TIMMDC1: variants seen among roughly 807,000 people sequenced by gnomAD.
TIMMDC1 encodes the protein complex I assembly factor TIMMDC1, mitochondrial.
In TIMMDC1, 25 loss-of-function variants were observed where a neutral mutation model predicts 32.6. That is an observed-to-expected ratio of 0.77 (90% CI 0.56 to 1.07). The LOEUF (loss-of-function observed/expected upper bound fraction) is 1.07, where lower values mean the gene tolerates loss of function less well. TIMMDC1 is among the 50% of genes least tolerant of loss of function. The probability of loss-of-function intolerance (pLI) is 0.00; values close to 1 mark genes in which losing one functional copy is unlikely to be tolerated. For missense variants in TIMMDC1, 329 were observed against 349.2 expected (o/e 0.94, Z 0.46); for synonymous variants, 130 against 127.6 (o/e 1.02, Z -0.13).
At chr3:119,509,440 T>C (rs1213582795) in intron 4 of TIMMDC1, among the ~76,000 whole-genome samples, 2 of 152,148 alleles carry the variant, frequency 1.3e-5, no homozygotes, top group African/African-American at 4.8e-5. Context: ...TGATACATGC[T>C]GCGACATGAA....
intron 5 of TIMMDC1, among the ~76,000 whole-genome samples, chr3:119,515,424 C>T (rs368788298): frequency 5.9e-5 from 9 of 152,274 alleles, no homozygotes; most frequent in African/African-American, 2.2e-4. Flanking sequence ...TACTCTGCCA[C>T]CAGCCAGGGA....
chr3:119,518,856 T>G (rs2082004112), intron 6 of TIMMDC1, among the ~76,000 whole-genome samples: 1 of 151,594 alleles, frequency 6.6e-6, no homozygotes, highest in African/African-American at 2.4e-5. Flanking sequence ...AATGGGATGA[T>G]ACATTCCAAG....
intron 4 of TIMMDC1, among the ~76,000 whole-genome samples, chr3:119,506,329 CCTGGGCA>C (rs2081918693): frequency 6.6e-6 from 1 of 152,104 alleles, no homozygotes; most frequent in Non-Finnish European, 1.5e-5. Flanking sequence ...TTGAGAACAG[CCTGGGCA>C]ACAAACATGG....
chr3:119,505,244 A>T (rs992084553), intron 4 of TIMMDC1, among the ~76,000 whole-genome samples: 1 of 152,236 alleles, frequency 6.6e-6, no homozygotes, highest in African/African-American at 2.4e-5. Flanking sequence ...AGATTTAAAA[A>T]ATAATTTTAA....
rs141340262 is a variant in TIMMDC1, at chr3:119,520,651, A to C, written c.708-2955A>C. Among the ~76,000 whole-genome samples, 469 of 152,356 alleles carry C rather than the reference A, an allele frequency of 3.1e-3. 4 individuals are homozygous for C. Among genetic ancestry groups the C allele is most frequent in the Non-Finnish European group, 3.6e-3 (242 of 68,026 alleles). ...CATGGCTTCATTGCTAAATTCTGCC[A>C]AACAGTTAAAGAAGAATTAAGACCA... On this transcript the variant is annotated intron_variant, in intron 6 of 6. Coordinates refer to ENST00000494664, the MANE Select transcript of TIMMDC1 (RefSeq NM_016589.4).
chr3:119,520,215 C>G (rs564393688), intron 6 of TIMMDC1, among the ~76,000 whole-genome samples: 2 of 151,874 alleles, frequency 1.3e-5, no homozygotes, highest in South Asian at 4.2e-4. Context: ...AAAGCAAGAA[C>G]AAACTAAACC....
At chr3:119,520,660 A>G (rs1382959656) in intron 6 of TIMMDC1, among the ~76,000 whole-genome samples, 1 of 152,230 alleles carries the variant, frequency 6.6e-6, no homozygotes, top group African/African-American at 2.4e-5. Context: ...CAAACAGTTA[A>G]AGAAGAATTA....
chr3:119,516,679 A>G (rs908243084), intron 5 of TIMMDC1, among the ~76,000 whole-genome samples: 4 of 152,178 alleles, frequency 2.6e-5, no homozygotes, highest in Non-Finnish European at 4.4e-5. Context: ...ATGGGTTGCT[A>G]TTGGCATTGT....
intron 3 of TIMMDC1, 59 bp from the exon 4 acceptor site, chr3:119,503,895 A>G (rs1336088761): frequency 7.0e-7 from 1 of 1,421,792 alleles, no homozygotes; most frequent in Non-Finnish European, 9.9e-7. Context: ...ATAACACTCA[A>G]GAAGGTAAAT....
intron 5 of TIMMDC1, among the ~76,000 whole-genome samples, chr3:119,515,945 G>A (rs1184778807): frequency 1.3e-5 from 2 of 152,138 alleles, no homozygotes; most frequent in Admixed American, 1.3e-4. Flanking sequence ...AGAAGGTAAT[G>A]CTATAGATTT....
At chr3:119,501,098 TTCTC>T (rs1481298852) in intron 2 of TIMMDC1, among the ~76,000 whole-genome samples, 2 of 152,232 alleles carry the variant, frequency 1.3e-5, no homozygotes, top group Non-Finnish European at 2.9e-5. Context: ...TGGCTTTTCT[TTCTC>T]AAATACATTT....
rs376648068 is a variant in TIMMDC1, at chr3:119,510,483, T to C, written c.518-3158T>C. On this transcript the variant is annotated intron_variant, in intron 4 of 6. Transcript: ENST00000494664. The stretch of plus-strand genomic sequence containing the variant: ...TCTAAAATGCTGATTATTAAGAGCA[T>C]AGCAAAGACATTTCAGCAAAAAATA... Among the ~76,000 whole-genome samples, 857 of 152,176 alleles carry C rather than the reference T, an allele frequency of 5.6e-3. 8 individuals are homozygous for C. Among genetic ancestry groups the C allele is most frequent in the African/African-American group, 0.02 (820 of 41,524 alleles).
chr3:119,516,358 G>A (rs187952729), intron 5 of TIMMDC1, among the ~76,000 whole-genome samples: 105 of 152,190 alleles, frequency 6.9e-4, no homozygotes, highest in Middle Eastern at 3.4e-3. Flanking sequence ...TTGTCCTTTT[G>A]TGACTAGCTT....
intron 5 of TIMMDC1, among the ~76,000 whole-genome samples, chr3:119,514,569 A>G (rs922426996): frequency 2.0e-5 from 3 of 152,216 alleles, no homozygotes; most frequent in Non-Finnish European, 2.9e-5. Context: ...CATCATGATT[A>G]GATTAATGTA....
At position 119,524,771 on chromosome 3, in the gene TIMMDC1, A is replaced by G. The variant is rs1352112897; in HGVS notation, c.*1015A>G. On this transcript the variant is annotated 3_prime_UTR_variant, in exon 7 of 7. Transcript: ENST00000494664. ...AGGAGTCATGAGTAACATGAACAGCAGTTGGCTATGTCTTTCCAGTTCTCT... is the reference window on the plus strand; with the variant it reads ...AGGAGTCATGAGTAACATGAACAGCGGTTGGCTATGTCTTTCCAGTTCTCT... The G allele has an allele frequency of 6.6e-6, 1 of 152,248 alleles. No homozygotes were observed. The highest frequency in any genetic ancestry group is 2.4e-5 in the African/African-American group (1 of 41,464). The allele number at this position is 152,248 out of a possible 1,614,324, so 9.4% of individuals were successfully genotyped here.
chr3:119,516,260 C>G, intron 5 of TIMMDC1, among the ~76,000 whole-genome samples: 1 of 150,784 alleles, frequency 6.6e-6, no homozygotes, highest in East Asian at 2.0e-4. Flanking sequence ...TCCCCATACC[C>G]TCCAGCCCTC....
At chr3:119,501,103 A>G (rs2081871352) in intron 2 of TIMMDC1, among the ~76,000 whole-genome samples, 1 of 152,216 alleles carries the variant, frequency 6.6e-6, no homozygotes, top group Non-Finnish European at 1.5e-5. Flanking sequence ...TTTCTTTCTC[A>G]AATACATTTC....
At chr3:119,520,246 T>G (rs889317953) in intron 6 of TIMMDC1, among the ~76,000 whole-genome samples, 1 of 150,636 alleles carries the variant, frequency 6.6e-6, no homozygotes, top group African/African-American at 2.4e-5. Flanking sequence ...AGGAAATAAA[T>G]AAAAAGATCA....
intron 2 of TIMMDC1, 63 bp downstream of exon 2, chr3:119,500,923 A>G (rs1047738973): frequency 1.5e-5 from 23 of 1,511,992 alleles, no homozygotes; most frequent in Admixed American, 3.7e-5. Context: ...TTTACACTTA[A>G]TCATTCAATT....
Sources: allele counts gnomAD v4.1 joint callset (sites outside exome capture counted in the v4.1 genomes callset), GRCh38; gene constraint gnomAD v4.1.1; transcripts MANE v1.5; gene names NCBI Gene and HGNC (gene_info 2026-07-23, HGNC 2026-07-21).